The following MMP16 variants were observed in gnomAD, a reference collection of about 807,000 sequenced individuals.
MMP16 encodes matrix metalloproteinase-16.
MMP16 carries 12 observed loss-of-function variants against 67.8 expected under a neutral mutation model. The observed-to-expected ratio is 0.18, with a 90% CI of 0.11 to 0.29. The LOEUF is 0.29. Among genes scored for constraint, MMP16 ranks in the 10% least tolerant of loss-of-function variants. The probability of loss-of-function intolerance (pLI) is 1.00; values close to 1 mark genes in which losing one functional copy is unlikely to be tolerated. For synonymous variants in MMP16, 249 were observed against 255.9 expected (o/e 0.97, Z 0.26); for missense variants, 475 against 765.7 (o/e 0.62, Z 4.48).
At chr8:88,088,051 T>TTATATCTATATATAATAGATATCAA in intron 6 of MMP16, among the ~76,000 whole-genome samples, 1 of 38,810 alleles carries the variant, frequency 2.6e-5, no homozygotes, top group South Asian at 6.5e-4. Context: ...TAGATATCTA[T>TTATATCTATATATAATAGATATCAA]TATATCTATA....
rs141375705 is a variant in MMP16 at position 88,245,739 on chromosome 8, A to G, written c.133-48433T>C. On this transcript the variant is annotated intron_variant, in intron 1 of 9. Coordinates refer to ENST00000286614, the MANE Select transcript of MMP16 (RefSeq NM_005941.5). ...AGCAGAAGCGGCATTCAACAGCATC[A>G]GGCAATGATGAAGGGAACAGATGGC... Among the ~76,000 whole-genome samples, 103 of 152,300 alleles carry G rather than the reference A, an allele frequency of 6.8e-4. 1 individual carries two copies. The highest frequency in any genetic ancestry group is 2.2e-3 in the African/African-American group (91 of 41,562).
At chr8:88,079,124 T>C (rs984480658) in intron 6 of MMP16, among the ~76,000 whole-genome samples, 1 of 152,162 alleles carries the variant, frequency 6.6e-6, no homozygotes, top group Non-Finnish European at 1.5e-5. Flanking sequence ...GCTCCAGTTA[T>C]ATCAGCTTCC....
At chr8:88,316,910 T>C (rs1002657400) in intron 1 of MMP16, among the ~76,000 whole-genome samples, 6 of 152,098 alleles carry the variant, frequency 3.9e-5, no homozygotes, top group African/African-American at 7.2e-5. Flanking sequence ...TAACAGGAGT[T>C]TGGAAAAAGT....
chr8:88,127,167 A>G (rs1807948343), intron 4 of MMP16, among the ~76,000 whole-genome samples: 1 of 151,888 alleles, frequency 6.6e-6, no homozygotes, highest in Non-Finnish European at 1.5e-5. Flanking sequence ...TGAGTGACAG[A>G]GTTGAGAAAT....
chr8:88,072,657 T>C (rs1170296541), intron 7 of MMP16, among the ~76,000 whole-genome samples: 1 of 152,078 alleles, frequency 6.6e-6, no homozygotes, highest in Non-Finnish European at 1.5e-5. Flanking sequence ...CTGAGTCAAA[T>C]CAGGATTCAG....
chr8:88,072,491 C>T (rs1241713451), intron 7 of MMP16, among the ~76,000 whole-genome samples: 1 of 152,030 alleles, frequency 6.6e-6, no homozygotes, highest in Admixed American at 6.6e-5. Flanking sequence ...CAGCAGGGTC[C>T]TCAAAGTGAC....
chr8:88,042,111 C>T (rs1185593285), intron 9 of MMP16, among the ~76,000 whole-genome samples: 1 of 152,138 alleles, frequency 6.6e-6, no homozygotes, highest in Non-Finnish European at 1.5e-5. Context: ...TATCTTTTTG[C>T]TCGCTTACAG....
intron 1 of MMP16, among the ~76,000 whole-genome samples, chr8:88,248,317 T>TA (rs1810152791): frequency 6.6e-6 from 1 of 152,058 alleles, no homozygotes. Context: ...CAACTGTAGA[T>TA]AATAAACATA....
chr8:88,167,935 G>C lies in MMP16; in HGVS notation c.443C>G (p.Thr148Ser). ...AAAGGCACGGCGAATAGCTTTACGA[G>C]TCTCAGGGTCTCCTACTTTTGGAGT... ...NVTPKVGDPE[T>S]RKAIRRAFDV... Residue 148 changes from threonine to serine, a missense_variant, in exon 4 of 10, where the codon ACT (threonine) becomes AGT (serine). Transcript: ENST00000286614. The C allele has an allele frequency of 6.2e-7, 1 of 1,613,086 alleles. No homozygotes were observed. The highest frequency in any genetic ancestry group is 1.1e-5 in the South Asian group (1 of 90,944).
chr8:88,153,199 C>T (rs914832714), intron 4 of MMP16, among the ~76,000 whole-genome samples: 5 of 150,864 alleles, frequency 3.3e-5, no homozygotes, highest in African/African-American at 1.2e-4. Flanking sequence ...CAAATCACTG[C>T]TCAAGGAAAT....
chr8:88,150,905 G>C (rs1055436547), intron 4 of MMP16, among the ~76,000 whole-genome samples: 2 of 138,678 alleles, frequency 1.4e-5, no homozygotes, highest in Non-Finnish European at 3.1e-5. Context: ...CCAATTAAAA[G>C]ACACAGACTG....
At chr8:88,243,128 C>T (rs1279263518) in intron 1 of MMP16, among the ~76,000 whole-genome samples, 2 of 152,122 alleles carry the variant, frequency 1.3e-5, no homozygotes, top group Non-Finnish European at 1.5e-5. Flanking sequence ...TATCATCTGC[C>T]TCCCAATCTC....
In MMP16 at chr8:88,157,942, A is replaced by G. The variant is rs376326361; in HGVS notation, c.709+9727T>C. 4.6e-5 allele frequency among the ~76,000 whole-genome samples: 7 copies of G among 151,786 alleles called. No homozygotes were observed. In the East Asian group the frequency reaches 5.8e-4, roughly 13 times the overall value. ...CAGTGTTTGGTTTTTTGTCCTTGCA[A>G]TAGTTTGCTGAGAAGGATGGTTTCC... On this transcript the variant is annotated intron_variant, in intron 4 of 9. Transcript: ENST00000286614.
At chr8:88,121,180 TG>T (rs1299879286) in intron 4 of MMP16, among the ~76,000 whole-genome samples, 10 of 151,876 alleles carry the variant, frequency 6.6e-5, no homozygotes, top group African/African-American at 2.4e-4. Context: ...TTCTGTTTCA[TG>T]TATCTGTTCG....
chr8:88,263,091 A>G (rs1810416341), intron 1 of MMP16, among the ~76,000 whole-genome samples: 2 of 151,984 alleles, frequency 1.3e-5, no homozygotes, highest in Admixed American at 1.3e-4. Context: ...GTGTCGATAC[A>G]CCACTATCAT....
chr8:88,235,266 C>T (rs573111196), intron 1 of MMP16, among the ~76,000 whole-genome samples: 1 of 151,916 alleles, frequency 6.6e-6, no homozygotes, highest in South Asian at 2.1e-4. Context: ...GTGGTGCATG[C>T]CTGTAATCTC....
At chr8:88,135,887 C>T (rs1024134789) in intron 4 of MMP16, among the ~76,000 whole-genome samples, 3 of 151,550 alleles carry the variant, frequency 2.0e-5, no homozygotes, top group Admixed American at 6.6e-5. Context: ...TTGGAACTCT[C>T]GAAGAAAAAC....
At position 88,140,250 on chromosome 8, in the gene MMP16, AAC is replaced by A. The variant is rs1181739737; in HGVS notation, c.710-21391_710-21390del. The stretch of plus-strand genomic sequence containing the variant: ...TCTCATATGGCCTAGGGTTCTGTGA[AAC>A]ACAGTGACTGTACTCTAAAGTCAAA... On this transcript the variant is annotated intron_variant, in intron 4 of 9. Coordinates refer to ENST00000286614, the MANE Select transcript of MMP16 (RefSeq NM_005941.5). Among the ~76,000 whole-genome samples, 10 of 152,298 alleles carry A rather than the reference AAC, an allele frequency of 6.6e-5. No individual in the cohort carries two copies. The South Asian group carries it at 1.4e-3, about 22-fold the overall frequency.
chr8:88,241,043 A>C (rs1029418203), intron 1 of MMP16, among the ~76,000 whole-genome samples: 2 of 148,828 alleles, frequency 1.3e-5, no homozygotes, highest in South Asian at 4.2e-4. Flanking sequence ...TTGAACTTTT[A>C]TTCTTTCTAA....
Sources: allele counts gnomAD v4.1 joint callset (sites outside exome capture counted in the v4.1 genomes callset), GRCh38; gene constraint gnomAD v4.1.1; transcripts MANE v1.5; gene names NCBI Gene and HGNC (gene_info 2026-07-23, HGNC 2026-07-21).